The following CTNNA2 variants were observed in gnomAD, a reference collection of about 807,000 sequenced individuals.
CTNNA2 encodes catenin alpha 2, also known as catenin alpha-2.
In CTNNA2, 42 loss-of-function variants were observed where a neutral mutation model predicts 101.0. That is an observed-to-expected ratio of 0.42 (90% CI 0.32 to 0.54). The LOEUF (loss-of-function observed/expected upper bound fraction) is 0.54. Ranked by LOEUF, CTNNA2 falls within the 20% of genes least tolerant of loss-of-function variation. The pLI, the probability that CTNNA2 is intolerant of heterozygous loss-of-function variation, is 0.14. For synonymous variants in CTNNA2, 450 were observed against 456.4 expected (o/e 0.99, Z 0.18); for missense variants, 871 against 1,223.1 (o/e 0.71, Z 4.29).
At chr2:80,516,867 G>A (rs78609722) in intron 9 of CTNNA2, among the ~76,000 whole-genome samples, 2 of 152,172 alleles carry the variant, frequency 1.3e-5, no homozygotes, top group Non-Finnish European at 2.9e-5. Context: ...TTTTACTTGA[G>A]TTAAGGCATA....
intron 7 of CTNNA2, among the ~76,000 whole-genome samples, chr2:80,138,796 A>G (rs1702837281): frequency 6.6e-6 from 1 of 152,190 alleles, no homozygotes; most frequent in Non-Finnish European, 1.5e-5. Context: ...AAAGCCTGAC[A>G]CTAAAATTGT....
chr2:79,968,122 A>G (rs1690208223), intron 7 of CTNNA2, among the ~76,000 whole-genome samples: 1 of 152,182 alleles, frequency 6.6e-6, no homozygotes, highest in African/African-American at 2.4e-5. Flanking sequence ...CACACTAGAT[A>G]GAAGTGGTGG....
At chr2:80,343,406 A>AT (rs1491208690) in intron 7 of CTNNA2, among the ~76,000 whole-genome samples, 1 of 111,000 alleles carries the variant, frequency 9.0e-6, no homozygotes, top group Non-Finnish European at 1.7e-5. Flanking sequence ...GTGACTTTTG[A>AT]TAAAAAAAAA....
At chr2:80,176,317 A>T (rs1705393175) in intron 7 of CTNNA2, among the ~76,000 whole-genome samples, 1 of 152,260 alleles carries the variant, frequency 6.6e-6, no homozygotes, top group Non-Finnish European at 1.5e-5. Context: ...AAATGCTGAT[A>T]TGAAGTCAAT....
At chr2:79,307,979 T>C (rs188259916) in intron 2 of CTNNA2, among the ~76,000 whole-genome samples, 1 of 152,296 alleles carries the variant, frequency 6.6e-6, no homozygotes, top group Admixed American at 6.5e-5. Flanking sequence ...TGTTGAGCAT[T>C]TTTTTGATAT....
At chr2:80,239,082 T>G (rs1709701347) in intron 7 of CTNNA2, among the ~76,000 whole-genome samples, 1 of 152,164 alleles carries the variant, frequency 6.6e-6, no homozygotes, top group Admixed American at 6.6e-5. Flanking sequence ...TGAAGTTGAG[T>G]ATGAGGATAA....
chr2:79,683,212 A>G (rs1683705804), intron 2 of CTNNA2, among the ~76,000 whole-genome samples: 1 of 152,338 alleles, frequency 6.6e-6, no homozygotes, highest in African/African-American at 2.4e-5. Flanking sequence ...TAACTGGTAC[A>G]AGAGGTTAAT....
chr2:80,643,269 C>T (rs1439343147), intron 18 of CTNNA2, among the ~76,000 whole-genome samples: 1 of 152,012 alleles, frequency 6.6e-6, no homozygotes, highest in Non-Finnish European at 1.5e-5. Flanking sequence ...AGATCATGGG[C>T]TCAGTGGTTA....
chr2:79,290,510 C>T (rs1675771825), intron 2 of CTNNA2, among the ~76,000 whole-genome samples: 1 of 152,112 alleles, frequency 6.6e-6, no homozygotes, highest in Admixed American at 6.5e-5. Context: ...ACCATGCCCC[C>T]GTCGTGTGCC....
chr2:79,867,155 T>C (rs1682170777), intron 4 of CTNNA2, among the ~76,000 whole-genome samples: 1 of 152,166 alleles, frequency 6.6e-6, no homozygotes, highest in South Asian at 2.1e-4. Context: ...AGGTATTTGT[T>C]TGGGCCATAG....
chr2:80,029,130 T>C (rs1430283252), intron 7 of CTNNA2, among the ~76,000 whole-genome samples: 1 of 152,212 alleles, frequency 6.6e-6, no homozygotes, highest in African/African-American at 2.4e-5. Context: ...TTGAGGTCTA[T>C]TATAATGGAT....
At chr2:79,811,721 A>G (rs181135734) in intron 3 of CTNNA2, among the ~76,000 whole-genome samples, 42 of 152,234 alleles carry the variant, frequency 2.8e-4, no homozygotes, top group African/African-American at 9.6e-4. Flanking sequence ...GCTTTTCTAC[A>G]TAATTTTTAA....
At position 80,553,229 on chromosome 2, in the gene CTNNA2, A is replaced by AG. The variant is rs1221737669; in HGVS notation, c.1541-2464_1541-2463insG. On this transcript the variant is annotated intron_variant, in intron 11 of 18. Transcript: ENST00000402739. ...ACAGAGGGAGACTCCGTCTCAAAAAAAAAAATAAAATAAAATAAAATAAAA... is the reference window on the plus strand; with the variant it reads ...ACAGAGGGAGACTCCGTCTCAAAAAAGAAAAATAAAATAAAATAAAATAAAA... Among the ~76,000 whole-genome samples the AG allele has an allele frequency of 5.5e-4, 48 of 87,562 alleles. 3 individuals carry two copies. The South Asian group carries it at 0.02, about 36-fold the overall frequency. The allele number at this position is 87,562 out of a possible 152,430, so 57.4% of individuals were successfully genotyped here.
chr2:80,636,731 T>A (rs2149843252), intron 18 of CTNNA2, among the ~76,000 whole-genome samples: 1 of 152,294 alleles, frequency 6.6e-6, no homozygotes, highest in African/African-American at 2.4e-5. Flanking sequence ...CCAAATTACA[T>A]GTTTAAACAT....
chr2:79,616,224 G>A (rs919010893), intron 1 of CTNNA2, among the ~76,000 whole-genome samples: 7 of 152,026 alleles, frequency 4.6e-5, no homozygotes, highest in African/African-American at 1.7e-4. Context: ...GTGTATCTTT[G>A]GCATATTGCT....
intron 14 of CTNNA2, among the ~76,000 whole-genome samples, chr2:80,588,244 G>C (rs1410424795): frequency 6.6e-6 from 1 of 152,146 alleles, no homozygotes; most frequent in Non-Finnish European, 1.5e-5. Context: ...CGTGCTCGGG[G>C]ACACTAGACG....
chr2:80,199,391 G>T (rs919056753), intron 7 of CTNNA2, among the ~76,000 whole-genome samples: 1 of 152,124 alleles, frequency 6.6e-6, no homozygotes, highest in African/African-American at 2.4e-5. Flanking sequence ...TTAGGATTTT[G>T]TGTGCTGTGA....
chr2:80,111,224 C>T (rs1701191286), intron 7 of CTNNA2, among the ~76,000 whole-genome samples: 1 of 152,136 alleles, frequency 6.6e-6, no homozygotes, highest in African/African-American at 2.4e-5. Flanking sequence ...GGGGACACAG[C>T]CAAAACATAT....
chr2:80,305,075 A>G, intron 7 of CTNNA2: 1 of 985,236 alleles, frequency 1.0e-6, no homozygotes, highest in Non-Finnish European at 1.2e-6. Context: ...TGTAAGAGAT[A>G]CGTAGGAATC....
Sources: allele counts gnomAD v4.1 joint callset (sites outside exome capture counted in the v4.1 genomes callset), GRCh38; gene constraint gnomAD v4.1.1; transcripts MANE v1.5; gene names NCBI Gene and HGNC (gene_info 2026-07-23, HGNC 2026-07-21).